LPAR6: variants seen among roughly 807,000 people sequenced by gnomAD.
The protein encoded by LPAR6 is lysophosphatidic acid receptor 6.
In LPAR6, 17 loss-of-function variants were observed where a neutral mutation model predicts 22.0. The ratio of observed to expected loss-of-function variants is 0.77; its 90% CI spans 0.53 to 1.16. The LOEUF (loss-of-function observed/expected upper bound fraction) is 1.16, where lower values mean the gene tolerates loss of function less well. LPAR6 is among the 50% of genes most tolerant of loss of function. The pLI is 0.00. For synonymous variants in LPAR6, 136 were observed against 139.8 expected (o/e 0.97, Z 0.19); for missense variants, 384 against 406.9 (o/e 0.94, Z 0.48).
intron 1 of LPAR6, among the ~76,000 whole-genome samples, chr13:48,443,305 A>C (rs940034383): frequency 6.6e-6 from 1 of 151,846 alleles, no homozygotes; most frequent in Non-Finnish European, 1.5e-5. Context: ...GTTTTAAAGA[A>C]AGAGTCATAA....
chr13:48,416,103 G>T (rs1566215483), upstream of LPAR6, among the ~76,000 whole-genome samples: 1 of 152,042 alleles, frequency 6.6e-6, no homozygotes, highest in Non-Finnish European at 1.5e-5. Context: ...TGGATTTTTT[G>T]GGGGGAGCGA....
rs199873207 is a variant in LPAR6 at position 48,432,427 on chromosome 13, GT to G, written c.-1473-8309del. Among the ~76,000 whole-genome samples, 205 of 136,598 alleles carry G rather than the reference GT, an allele frequency of 1.5e-3. 1 individual carries two copies. The highest frequency in any genetic ancestry group is 2.5e-3 in the Non-Finnish European group (153 of 61,670). The allele number at this position is 136,598 out of a possible 152,430, so 89.6% of individuals were successfully genotyped here. On this transcript the variant is annotated intron_variant, in intron 1 of 6. Coordinates refer to the LPAR6 transcript ENST00000378434. ...ATAGGAATGCATGTTTTGTTTTTTTGTTTTTTTTTTTGGGCTACTTGCCAGT... is the reference window on the plus strand; with the variant it reads ...ATAGGAATGCATGTTTTGTTTTTTTGTTTTTTTTTTGGGCTACTTGCCAGT...
intron 1 of LPAR6, among the ~76,000 whole-genome samples, chr13:48,434,378 A>T (rs1365799243): frequency 6.6e-6 from 1 of 152,172 alleles, no homozygotes; most frequent in African/African-American, 2.4e-5. Context: ...TAACAGATAG[A>T]TTATTTCAAT....
Position 48,411,507 on chromosome 13 carries a change from T to G in LPAR6, c.917A>C (p.Asn306Thr). The change falls in exon 1 of 1, where the codon AAC becomes ACC. Residue 306 changes from asparagine (N) to threonine (T), a missense_variant. Asn to Thr is a moderately conservative substitution (Grantham distance 65). Coordinates refer to ENST00000620633, the MANE Select transcript of LPAR6 (RefSeq NM_001162498.3). Reference sequence around the variant, plus strand: ...GAAGTCACTTCTCCTGACAGACCAGTTTTTCATTTTTATTGAATTCTGAAT... The same window carrying G: ...GAAGTCACTTCTCCTGACAGACCAGGTTTTCATTTTTATTGAATTCTGAAT... ...DTIQNSIKMK[N>T]WSVRRSDFRF... is the part of the protein sequence containing the mutation. The G allele has an allele frequency of 6.2e-7, 1 of 1,612,688 alleles. No homozygotes were observed. Among genetic ancestry groups the G allele is most frequent in the Non-Finnish European group, 8.5e-7 (1 of 1,179,348 alleles).
chr13:48,414,325 C>T (rs1443494400), upstream of LPAR6, among the ~76,000 whole-genome samples: 1 of 145,856 alleles, frequency 6.9e-6, no homozygotes, highest in African/African-American at 2.6e-5. Flanking sequence ...CCAGCCTGGG[C>T]GACAGCGAGA....
chr13:48,392,856 G>C (rs953558725), intron 1 of LPAR6, among the ~76,000 whole-genome samples: 1 of 151,912 alleles, frequency 6.6e-6, no homozygotes, highest in African/African-American at 2.4e-5. Context: ...GCTTTAGTGG[G>C]TCCTGGATAT....
intron 1 of LPAR6, among the ~76,000 whole-genome samples, chr13:48,441,562 GT>G (rs975233464): frequency 5.9e-5 from 9 of 152,268 alleles, no homozygotes; most frequent in Admixed American, 2.0e-4. Flanking sequence ...GGAACTTGGA[GT>G]AGGTCCACCT....
chr13:48,421,920 G>C (rs1295627162), intron 2 of LPAR6, among the ~76,000 whole-genome samples: 1 of 152,182 alleles, frequency 6.6e-6, no homozygotes, highest in Non-Finnish European at 1.5e-5. Flanking sequence ...CTGTTGGTGG[G>C]AGTGTAAATT....
At chr13:48,444,546 CACTT>C (rs940477924) in intron 1 of LPAR6, 2 of 152,348 alleles carry the variant, frequency 1.3e-5, no homozygotes, top group African/African-American at 4.8e-5. Context: ...AAAGGAAACA[CACTT>C]ACCGGTTTAT....
At chr13:48,393,071 A>G (rs150049147) in intron 1 of LPAR6, among the ~76,000 whole-genome samples, 1 of 152,180 alleles carries the variant, frequency 6.6e-6, no homozygotes. Context: ...CATATATGAC[A>G]AGGTTTTTCC....
In LPAR6 at chr13:48,390,109, A is replaced by G. The variant is rs117789404; in HGVS notation, n.115-297T>C. Reference sequence around the variant, plus strand: ...CTGCAGTGAGCTGTGATTGCACCACAGCACACCAGCCTGGGTGGTAGAATG... The same window carrying G: ...CTGCAGTGAGCTGTGATTGCACCACGGCACACCAGCCTGGGTGGTAGAATG... On this transcript the variant is annotated intron_variant and non_coding_transcript_variant, in intron 1 of 1. Transcript: ENST00000462781. Among the ~76,000 whole-genome samples the G allele has an allele frequency of 5.1e-4, 78 of 152,250 alleles. No homozygotes were observed. The East Asian group carries it at 0.013, about 26-fold the overall frequency.
intron 1 of LPAR6, among the ~76,000 whole-genome samples, chr13:48,439,106 T>G (rs1256335356): frequency 1.3e-5 from 2 of 152,156 alleles, no homozygotes; most frequent in African/African-American, 2.4e-5. Flanking sequence ...ACTCCCATAC[T>G]AGTATAGCAG....
chr13:48,404,833 A>G (rs948743579), intron 1 of LPAR6, among the ~76,000 whole-genome samples: 3 of 152,160 alleles, frequency 2.0e-5, no homozygotes, highest in African/African-American at 7.2e-5. Flanking sequence ...CAAAAAATTC[A>G]GAATTCTAAA....
chr13:48,416,048 C>T (rs1948903054), upstream of LPAR6, among the ~76,000 whole-genome samples: 3 of 152,138 alleles, frequency 2.0e-5, no homozygotes, highest in African/African-American at 2.4e-5. Flanking sequence ...TGTGAGATCT[C>T]TACACTTCTG....
rs1296970197 is a variant in LPAR6 at position 48,399,987 on chromosome 13, G to A, written n.115-10175C>T. On this transcript the variant is annotated intron_variant and non_coding_transcript_variant, in intron 1 of 1. Transcript: ENST00000462781. ...ATTATACACATTACCCATTCTCTTT[G>A]TTCATTAATTGGCAAAAGGGACTAA... 5.9e-5 allele frequency among the ~76,000 whole-genome samples: 9 copies of A among 151,976 alleles called. No individual in the cohort carries two copies. In the East Asian group the frequency reaches 1.7e-3, roughly 29 times the overall value.
chr13:48,408,028 G>A (rs1948755194), downstream of LPAR6, among the ~76,000 whole-genome samples: 1 of 152,058 alleles, frequency 6.6e-6, no homozygotes, highest in Non-Finnish European at 1.5e-5. Flanking sequence ...AATTGCTTCA[G>A]ATTCTTGATA....
rs115596308 is a variant in LPAR6, at chr13:48,411,837, G to C, written c.587C>G (p.Pro196Arg). The change falls in exon 1 of 1, where the codon CCT becomes CGT. Residue 196 changes from proline to arginine, a missense_variant. Transcript: ENST00000620633. The part of the protein sequence containing the change: ...IFIEIVGFFI[P>R]LILNVTCSSM... ...AGAACAAGTTACATTTAAAATTAGA[G>C]GAATAAAAAATCCCACTATTTCGAT... 3.7e-6 allele frequency: 6 copies of C among 1,612,982 alleles called. No homozygotes were observed. The highest frequency in any genetic ancestry group is 5.1e-6 in the Non-Finnish European group (6 of 1,179,026).
chr13:48,426,687 C>T (rs1364809498), intron 1 of LPAR6: 1 of 152,238 alleles, frequency 6.6e-6, no homozygotes, highest in Non-Finnish European at 1.5e-5. Flanking sequence ...ATTGCTGGAG[C>T]AGGAACTCGA....
intron 1 of LPAR6, among the ~76,000 whole-genome samples, chr13:48,403,376 C>T (rs994343886): frequency 6.6e-6 from 1 of 152,082 alleles, no homozygotes; most frequent in Non-Finnish European, 1.5e-5. Flanking sequence ...TGAAACCCAG[C>T]AGTACTCAGA....
Sources: allele counts gnomAD v4.1 joint callset (sites outside exome capture counted in the v4.1 genomes callset), GRCh38; gene constraint gnomAD v4.1.1; transcripts MANE v1.5; gene names NCBI Gene and HGNC (gene_info 2026-07-23, HGNC 2026-07-21).